RFX7: variants seen among roughly 807,000 people sequenced by gnomAD.
RFX7 encodes DNA-binding protein RFX7.
RFX7 carries 26 observed loss-of-function variants against 111.8 expected under a neutral mutation model. The observed-to-expected ratio is 0.23, with a 90% CI of 0.17 to 0.32. The LOEUF is 0.32. RFX7 is among the 10% of genes least tolerant of loss of function. The pLI is 1.00. For missense variants in RFX7, 1,573 were observed against 1,772.9 expected, an observed-to-expected ratio of 0.89 and a Z score of 2.02; for synonymous variants, 624 against 624.4, an observed-to-expected ratio of 1.00 and a Z score of 0.01.
intron 3 of RFX7, among the ~76,000 whole-genome samples, chr15:56,150,454 A>G (rs955388580): frequency 2.0e-5 from 3 of 152,212 alleles, no homozygotes; most frequent in Non-Finnish European, 4.4e-5. Flanking sequence ...CGCAGCTTCC[A>G]GAGGAAACAA....
At chr15:56,141,720 T>C (rs372676372) in intron 5 of RFX7, among the ~76,000 whole-genome samples, 1 of 140,094 alleles carries the variant, frequency 7.1e-6, no homozygotes, top group African/African-American at 2.8e-5. Flanking sequence ...TGTTTACAAT[T>C]GTATCCTGAG....
At chr15:56,171,562 G>GAA (rs11388100) in intron 3 of RFX7, among the ~76,000 whole-genome samples, 9 of 151,382 alleles carry the variant, frequency 5.9e-5, no homozygotes, top group Non-Finnish European at 1.2e-4. Context: ...AGGGTCTCCA[G>GAA]AAAAAAAACA....
chr15:56,186,425 T>C (rs1207235350), intron 2 of RFX7, among the ~76,000 whole-genome samples: 3 of 152,216 alleles, frequency 2.0e-5, no homozygotes, highest in Admixed American at 6.5e-5. Context: ...CCCTGATTCC[T>C]TGTTACTAGC....
chr15:56,089,734 A>G lies in RFX7; in HGVS notation c.*3611T>C, dbSNP rs1229365562. 6.6e-6 allele frequency: 1 copy of G among 152,050 alleles called. No individual in the cohort carries two copies. Among genetic ancestry groups the G allele is most frequent in the Admixed American group, 6.6e-5 (1 of 15,240 alleles). 9.4% of individuals were successfully genotyped at this position (152,050 alleles called of 1,614,324 possible). On this transcript the variant is annotated 3_prime_UTR_variant, in exon 10 of 10. Coordinates refer to ENST00000559447, the MANE Select transcript of RFX7 (RefSeq NM_022841.7). ...TCTTGGGATTAGTTTTTCTTCAAGTACTTTTGAATTTTGATCTGCAGGCTC... is the reference window on the plus strand; with the variant it reads ...TCTTGGGATTAGTTTTTCTTCAAGTGCTTTTGAATTTTGATCTGCAGGCTC...
intron 5 of RFX7, among the ~76,000 whole-genome samples, chr15:56,140,043 T>C (rs1224486050): frequency 5.9e-5 from 9 of 151,996 alleles, no homozygotes; most frequent in Admixed American, 2.6e-4. Flanking sequence ...GACATTTAAG[T>C]CTGCAGAGGT....
chr15:56,206,747 G>GA lies in RFX7; in HGVS notation c.162-27445dup, dbSNP rs76341505. 6.7e-4 allele frequency among the ~76,000 whole-genome samples: 97 copies of GA among 144,724 alleles called. No individual in the cohort carries two copies. In the South Asian group the frequency reaches 0.013, roughly 20 times the overall value. 94.9% of individuals were successfully genotyped at this position (144,724 alleles called of 152,430 possible). On this transcript the variant is annotated intron_variant, in intron 2 of 9. Coordinates refer to ENST00000559447, the MANE Select transcript of RFX7 (RefSeq NM_022841.7). ...TTTTAAGTGAAATAAGCCATGTACAGAAAAAAAAAACAGTACATGTTCTCA... is the reference window on the plus strand; with the variant it reads ...TTTTAAGTGAAATAAGCCATGTACAGAAAAAAAAAAACAGTACATGTTCTCA...
rs2042121210 is a variant in RFX7 at position 56,124,733 on chromosome 15, C to T, written c.401+18045G>A. Among the ~76,000 whole-genome samples the T allele has an allele frequency of 6.6e-5, 10 of 152,142 alleles. No homozygotes were observed. In the South Asian group the frequency reaches 2.1e-3, roughly 32 times the overall value. On this transcript the variant is annotated intron_variant, in intron 5 of 9. Coordinates refer to ENST00000559447, the MANE Select transcript of RFX7 (RefSeq NM_022841.7). ...CTTTGCGGCTTAAATGTCTGAGTTCCTTGTACATAATGATCTGGATATTAA... is the reference window on the plus strand; with the variant it reads ...CTTTGCGGCTTAAATGTCTGAGTTCTTTGTACATAATGATCTGGATATTAA...
In RFX7 at chr15:56,092,977, A is replaced by C. The variant is rs540499194; in HGVS notation, c.*368T>G. ...ATCTAAAAGATAATGCCAACAACAA[A>C]ACAGCCTATACCTAAAATTGATGGT... On this transcript the variant is annotated 3_prime_UTR_variant, in exon 10 of 10. Coordinates refer to ENST00000559447, the MANE Select transcript of RFX7 (RefSeq NM_022841.7). 5.8e-6 allele frequency: 1 copy of C among 173,310 alleles called. No individual in the cohort carries two copies. Among genetic ancestry groups the C allele is most frequent in the African/African-American group, 2.4e-5 (1 of 42,182 alleles). 10.7% of individuals were successfully genotyped at this position (173,310 alleles called of 1,614,324 possible). A position where few individuals can be genotyped will look rare whatever the true frequency, so the allele number is the denominator to read the frequency against.
At chr15:56,161,592 T>C (rs565781001) in intron 3 of RFX7, among the ~76,000 whole-genome samples, 16 of 152,212 alleles carry the variant, frequency 1.1e-4, no homozygotes, top group African/African-American at 2.4e-4. Flanking sequence ...AGTTCATAAA[T>C]TGATGATAAA....
At chr15:56,134,967 G>C (rs1444037676) in intron 5 of RFX7, among the ~76,000 whole-genome samples, 1 of 152,058 alleles carries the variant, frequency 6.6e-6, no homozygotes, top group African/African-American at 2.4e-5. Flanking sequence ...TGGCTGCATA[G>C]TATTCCATGG....
chr15:56,232,638 T>G (rs1232170311), intron 2 of RFX7, among the ~76,000 whole-genome samples: 2 of 152,216 alleles, frequency 1.3e-5, no homozygotes, highest in Admixed American at 1.3e-4. Flanking sequence ...TGAACTTTTA[T>G]GCTCTGTTTC....
chr15:56,220,059 C>T (rs1307075533), intron 2 of RFX7, among the ~76,000 whole-genome samples: 19 of 150,856 alleles, frequency 1.3e-4, no homozygotes, highest in Admixed American at 1.2e-3. Context: ...GAAGCATAAC[C>T]TTTTTTTTTG....
intron 5 of RFX7, among the ~76,000 whole-genome samples, chr15:56,131,861 G>C (rs1178904623): frequency 6.6e-6 from 1 of 151,924 alleles, no homozygotes; most frequent in Admixed American, 6.6e-5. Context: ...AAAGTCAAAA[G>C]TAACAACTAA....
intron 2 of RFX7, among the ~76,000 whole-genome samples, chr15:56,199,690 C>T (rs913819676): frequency 1.3e-5 from 2 of 151,950 alleles, no homozygotes; most frequent in African/African-American, 4.8e-5. Flanking sequence ...ATAGCAGGAA[C>T]CAAAAACATG....
At chr15:56,128,471 A>T (rs1197698124) in intron 5 of RFX7, among the ~76,000 whole-genome samples, 1 of 152,234 alleles carries the variant, frequency 6.6e-6, no homozygotes, top group African/African-American at 2.4e-5. Flanking sequence ...GTTCATCTAA[A>T]AAAACCTTTG....
At chr15:56,118,571 A>G (rs1224552607) in intron 5 of RFX7, among the ~76,000 whole-genome samples, 1 of 152,180 alleles carries the variant, frequency 6.6e-6, no homozygotes, top group Non-Finnish European at 1.5e-5. Flanking sequence ...CCTATGTGCT[A>G]CATTCTCTTT....
At chr15:56,243,040 G>GCACCCCCCCCCCCCCCC in intron 2 of RFX7, 85 bp downstream of exon 2, 1 of 570,718 alleles carries the variant, frequency 1.8e-6, no homozygotes, top group Non-Finnish European at 3.1e-6. Flanking sequence ...CTCCTCCTCC[G>GCACCCCCCCCCCCCCCC]CTCCCCCCGC....
At chr15:56,111,640 T>G (rs1377038361) in intron 5 of RFX7, among the ~76,000 whole-genome samples, 1 of 55,068 alleles carries the variant, frequency 1.8e-5, no homozygotes, top group Non-Finnish European at 3.5e-5. Flanking sequence ...CCAAGAATGA[T>G]CAATAAAAAA....
At position 56,088,013 on chromosome 15, in the gene RFX7, A is replaced by G; in HGVS notation, c.*5332T>C. On this transcript the variant is annotated 3_prime_UTR_variant, in exon 10 of 10. Transcript: ENST00000559447. Reference sequence around the variant, plus strand: ...TTTCTATGGAGAGAAGGGAGGGAAAAGGATTCAAGTAATTTGGAGGAAAAT... The same window carrying G: ...TTTCTATGGAGAGAAGGGAGGGAAAGGGATTCAAGTAATTTGGAGGAAAAT... The G allele has an allele frequency of 2.5e-5, 8 of 313,960 alleles. No individual in the cohort carries two copies. The highest frequency in any genetic ancestry group is 7.8e-5 in the South Asian group (3 of 38,412). 19.4% of individuals were successfully genotyped at this position (313,960 alleles called of 1,614,324 possible). A position where few individuals can be genotyped will look rare whatever the true frequency, so the allele number is the denominator to read the frequency against.
Sources: gnomAD v4.1 joint callset for allele counts (sites outside exome capture counted in the v4.1 genomes callset) on GRCh38, gnomAD v4.1.1 for gene constraint, MANE v1.5 for transcripts, NCBI Gene and HGNC (gene_info 2026-07-23, HGNC 2026-07-21) for gene names.